The following MACROD2 variants were observed in gnomAD, a reference collection of about 807,000 sequenced individuals.
The protein encoded by MACROD2 is ADP-ribose glycohydrolase MACROD2.
MACROD2 carries 36 observed loss-of-function variants against 70.4 expected under a neutral mutation model. The observed-to-expected ratio is 0.51, with a 90% CI of 0.39 to 0.68. MACROD2 has a LOEUF of 0.68. Among genes scored for constraint, MACROD2 ranks in the 30% least tolerant of loss-of-function variants. The probability of loss-of-function intolerance (pLI) is 0.00; values close to 1 mark genes in which losing one functional copy is unlikely to be tolerated. For synonymous variants in MACROD2, 172 were observed against 178.8 expected (o/e 0.96, Z 0.30); for missense variants, 496 against 538.4 (o/e 0.92, Z 0.78).
At chr20:14,167,135 A>T (rs1287155838) in intron 3 of MACROD2, among the ~76,000 whole-genome samples, 1 of 151,930 alleles carries the variant, frequency 6.6e-6, no homozygotes, top group East Asian at 1.9e-4. Flanking sequence ...TCTTTTCATG[A>T]ATCTATCCCA....
intron 3 of MACROD2, among the ~76,000 whole-genome samples, chr20:14,420,551 A>AT (rs1213602790): frequency 5.3e-5 from 8 of 151,884 alleles, no homozygotes; most frequent in African/African-American, 1.9e-4. Flanking sequence ...TCCTTTCCCC[A>AT]TTTTTGAATT....
intron 5 of MACROD2, among the ~76,000 whole-genome samples, chr20:15,141,905 T>C (rs6110532): frequency 0.59 from 89,261 of 151,670 alleles, 26,376 homozygotes; most frequent in East Asian, 0.65. Context: ...GAAACCCAGA[T>C]CGAGCTTGTG....
intron 3 of MACROD2, among the ~76,000 whole-genome samples, chr20:14,239,108 T>C (rs547177397): frequency 6.7e-6 from 1 of 148,374 alleles, no homozygotes; most frequent in South Asian, 2.2e-4. Context: ...CAATGAAGAA[T>C]ACAATCTCAT....
chr20:14,399,371 G>A (rs2083614330), intron 3 of MACROD2, among the ~76,000 whole-genome samples: 2 of 152,050 alleles, frequency 1.3e-5, no homozygotes, highest in Non-Finnish European at 2.9e-5. Context: ...GTTGACAGGA[G>A]TTTTTTCTTT....
At chr20:15,757,092 T>C (rs2051359497) in intron 8 of MACROD2, among the ~76,000 whole-genome samples, 1 of 152,216 alleles carries the variant, frequency 6.6e-6, no homozygotes, top group Admixed American at 6.5e-5. Flanking sequence ...ATTGATTGGA[T>C]TGGTTTGATT....
At chr20:14,738,143 T>A (rs1461013911) in intron 5 of MACROD2, among the ~76,000 whole-genome samples, 6 of 151,788 alleles carry the variant, frequency 4.0e-5, no homozygotes, top group Non-Finnish European at 8.8e-5. Flanking sequence ...AAATGGTTGG[T>A]TTTTGGAATT....
At chr20:14,559,924 G>C (rs1979312024) in intron 4 of MACROD2, among the ~76,000 whole-genome samples, 1 of 151,556 alleles carries the variant, frequency 6.6e-6, no homozygotes, top group South Asian at 2.1e-4. Flanking sequence ...AGGGCTCAGG[G>C]GTACACATAA....
chr20:14,632,540 T>G (rs573558866), intron 4 of MACROD2, among the ~76,000 whole-genome samples: 2 of 152,140 alleles, frequency 1.3e-5, no homozygotes, highest in Non-Finnish European at 1.5e-5. Context: ...CTTTTCTACA[T>G]TTGTGGTTTT....
intron 8 of MACROD2, among the ~76,000 whole-genome samples, chr20:15,526,365 A>G (rs1276988956): frequency 1.3e-5 from 2 of 152,234 alleles, no homozygotes; most frequent in Non-Finnish European, 2.9e-5. Context: ...CAGGTATAAC[A>G]TAAATCCTCT....
intron 6 of MACROD2, among the ~76,000 whole-genome samples, chr20:15,384,796 C>T (rs1184882573): frequency 6.6e-6 from 1 of 152,126 alleles, no homozygotes; most frequent in South Asian, 2.1e-4. Context: ...GATTTGCTAA[C>T]AGTAAAATAA....
At chr20:15,244,136 A>G (rs1379397523) in intron 6 of MACROD2, among the ~76,000 whole-genome samples, 3 of 152,174 alleles carry the variant, frequency 2.0e-5, no homozygotes, top group Non-Finnish European at 2.9e-5. Context: ...TGGTGGAAAT[A>G]GTATATAATG....
chr20:14,122,298 A>AT (rs2054598373), intron 3 of MACROD2, among the ~76,000 whole-genome samples: 1 of 152,142 alleles, frequency 6.6e-6, no homozygotes. Context: ...TTAAGTGGAG[A>AT]CAATAAGATT....
chr20:14,904,306 A>G (rs555203166), intron 5 of MACROD2, among the ~76,000 whole-genome samples: 7 of 152,330 alleles, frequency 4.6e-5, no homozygotes, highest in African/African-American at 1.7e-4. Flanking sequence ...ATTCACATAA[A>G]AATAGAAAAA....
chr20:15,782,564 A>C (rs2051851182), intron 8 of MACROD2, among the ~76,000 whole-genome samples: 1 of 151,938 alleles, frequency 6.6e-6, no homozygotes, highest in African/African-American at 2.4e-5. Context: ...TCTAAGAGAG[A>C]GACAGTGGAA....
intron 4 of MACROD2, among the ~76,000 whole-genome samples, chr20:14,638,649 T>C (rs1984914544): frequency 6.6e-6 from 1 of 152,158 alleles, no homozygotes. Context: ...ATGAGGTTGT[T>C]GTAAGAATTA....
At chr20:14,071,432 T>G (rs1452589133) in intron 2 of MACROD2, among the ~76,000 whole-genome samples, 3 of 151,754 alleles carry the variant, frequency 2.0e-5, no homozygotes, top group Non-Finnish European at 4.4e-5. Flanking sequence ...GGCTAATTTT[T>G]TGTATTTTTA....
intron 3 of MACROD2, among the ~76,000 whole-genome samples, chr20:14,152,469 C>T (rs1015857136): frequency 6.7e-6 from 1 of 149,046 alleles, no homozygotes; most frequent in South Asian, 2.1e-4. Flanking sequence ...CTCTGTTGCC[C>T]AGGCTGGAGT....
chr20:15,043,938 A>G (rs1044556303), intron 5 of MACROD2, among the ~76,000 whole-genome samples: 9 of 152,160 alleles, frequency 5.9e-5, no homozygotes, highest in Non-Finnish European at 8.8e-5. Context: ...GAAGCTTCCA[A>G]ACCTTCTCTG....
intron 3 of MACROD2, among the ~76,000 whole-genome samples, chr20:14,283,101 G>C (rs1339267601): frequency 1.3e-5 from 2 of 152,174 alleles, no homozygotes; most frequent in African/African-American, 2.4e-5. Flanking sequence ...CTAGTTCCAT[G>C]ATACAACCTT....
Sources: allele counts gnomAD v4.1 joint callset (sites outside exome capture counted in the v4.1 genomes callset), GRCh38; gene constraint gnomAD v4.1.1; transcripts MANE v1.5; gene names NCBI Gene and HGNC (gene_info 2026-07-23, HGNC 2026-07-21).